TBC1D16: variants seen among roughly 807,000 people sequenced by gnomAD.
The protein encoded by TBC1D16 is CTD-2529O21.1.
A neutral mutation model predicts 74.7 loss-of-function variants in TBC1D16; 58 were observed. The observed-to-expected ratio is 0.78, with a 90% confidence interval of 0.63 to 0.97. The LOEUF (loss-of-function observed/expected upper bound fraction) is 0.97. Among genes scored for constraint, TBC1D16 ranks in the 50% least tolerant of loss-of-function variants. The probability of loss-of-function intolerance (pLI) is 0.00; values close to 1 mark genes in which losing one functional copy is unlikely to be tolerated. For synonymous variants in TBC1D16, 493 were observed against 474.7 expected (o/e 1.04, Z -0.50); for missense variants, 1,014 against 1,079.5 (o/e 0.94, Z 0.85).
rs923908205 is a variant in TBC1D16 at position 79,961,941 on chromosome 17, A to T, written c.780-9123T>A. Among the ~76,000 whole-genome samples the T allele has an allele frequency of 6.6e-6, 1 of 152,202 alleles. No individual in the cohort carries two copies. The highest frequency in any genetic ancestry group is 6.5e-5 in the Admixed American group (1 of 15,268). Reference sequence around the variant, plus strand: ...CCCAGGGTTTATCAACAGCCAATGCAGTAATGAATCGTGGTCTGTACATAC... The same window carrying T: ...CCCAGGGTTTATCAACAGCCAATGCTGTAATGAATCGTGGTCTGTACATAC... On this transcript the variant is annotated intron_variant, in intron 3 of 11. Transcript: ENST00000310924. This position sits in a 1 kb window ranked among gnomAD's most constrained non-coding sequence, Gnocchi z 4.8.
Position 79,984,619 on chromosome 17 carries a change from GTGAAGGAAGGAAGGAA to G in TBC1D16, c.779+25525_779+25540del, listed in dbSNP as rs1420216615. Among the ~76,000 whole-genome samples, 38 of 102,526 alleles carry G rather than the reference GTGAAGGAAGGAAGGAA, an allele frequency of 3.7e-4. No homozygotes were observed. The East Asian group carries it at 0.01, about 27-fold the overall frequency. 67.3% of individuals were successfully genotyped at this position (102,526 alleles called of 152,430 possible). ...GAGAAAGAAAAGAGGGAGGGAGGGAGTGAAGGAAGGAAGGAAGGAAGGAAGGAAGGAAGGAAGGAAA... is the reference window on the plus strand; with the variant it reads ...GAGAAAGAAAAGAGGGAGGGAGGGAGGGAAGGAAGGAAGGAAGGAAGGAAA... On this transcript the variant is annotated intron_variant, in intron 3 of 11. Coordinates refer to ENST00000310924, the MANE Select transcript of TBC1D16 (RefSeq NM_019020.4).
intron 1 of TBC1D16, among the ~76,000 whole-genome samples, chr17:80,014,816 A>AATGCCCTTGAACCCTGGCCAT (rs2036028508): frequency 6.6e-6 from 1 of 152,178 alleles, no homozygotes; most frequent in Admixed American, 6.5e-5. Flanking sequence ...AAAAATAGAA[A>AATGCCCTTGAACCCTGGCCAT]ATGCCCTTGA....
At position 80,010,445 on chromosome 17, in the gene TBC1D16, G is replaced by C. The variant is rs543310279; in HGVS notation, c.494C>G (p.Ala165Gly). The change falls in exon 3 of 12, where the codon GCG (alanine) becomes GGG (glycine). Residue 165 changes from alanine (A) to glycine (G), a missense_variant. Physicochemically the swap from Ala to Gly is moderately conservative, Grantham distance 60 (BLOSUM62 0). Coordinates refer to ENST00000310924, the MANE Select transcript of TBC1D16 (RefSeq NM_019020.4). This position sits in a 1 kb window ranked among gnomAD's most constrained non-coding sequence, Gnocchi z 8.8. ...GGCACCATCCACCCCCAAGCCCTGC[G>C]CCAGCTTCTCCTCATCCTCTGGCGC... The part of the protein sequence containing the change: ...SPAPEDEEKL[A>G]QGLGVDGAQP... The C allele has an allele frequency of 6.2e-7, 1 of 1,608,768 alleles. No homozygotes were observed. Among genetic ancestry groups the C allele is most frequent in the African/African-American group, 1.3e-5 (1 of 74,846 alleles).
chr17:79,963,143 G>C (rs1005198662), intron 3 of TBC1D16, among the ~76,000 whole-genome samples: 10 of 151,718 alleles, frequency 6.6e-5, no homozygotes, highest in African/African-American at 2.2e-4. Flanking sequence ...CTTGAACCCA[G>C]GAGTTGGAGG....
At chr17:80,029,170 G>T (rs2036689762) in intron 1 of TBC1D16, among the ~76,000 whole-genome samples, 2 of 152,170 alleles carry the variant, frequency 1.3e-5, no homozygotes. Context: ...GCTGGCAGGG[G>T]TGTTAAACTG....
chr17:79,949,829 C>G lies in TBC1D16; in HGVS notation c.1294G>C (p.Gly432Arg), dbSNP rs923610089. ...FFGGIDVSIR[G>R]EVWPFLLRYY... ...CGCAGCAGGAAGGGCCAGACCTCCC[C>G]GCGGATTGACACATCAATACCGCCA... The change falls in exon 7 of 12, where the codon GGG becomes CGG. Residue 432 changes from glycine to arginine, a missense_variant. Physicochemically the swap from Gly to Arg is moderately radical, Grantham distance 125. Coordinates refer to ENST00000310924, the MANE Select transcript of TBC1D16 (RefSeq NM_019020.4). 2.5e-6 allele frequency: 4 copies of G among 1,613,746 alleles called. No homozygotes were observed. Among genetic ancestry groups the G allele is most frequent in the Non-Finnish European group, 3.4e-6 (4 of 1,179,972 alleles).
chr17:80,021,682 G>A, intron 1 of TBC1D16, among the ~76,000 whole-genome samples: 1 of 146,734 alleles, frequency 6.8e-6, no homozygotes, highest in African/African-American at 2.7e-5. Flanking sequence ...ACACACCATA[G>A]GCACACTGCA....
chr17:79,946,382 G>A (rs1363761260), intron 9 of TBC1D16, among the ~76,000 whole-genome samples: 1 of 152,226 alleles, frequency 6.6e-6, no homozygotes, highest in Non-Finnish European at 1.5e-5. Context: ...ACGGCAGGTG[G>A]AGCTCAGGCG....
chr17:80,006,680 A>G (rs185954415), intron 3 of TBC1D16, among the ~76,000 whole-genome samples: 237 of 150,684 alleles, frequency 1.6e-3, no homozygotes, highest in South Asian at 9.0e-3. Flanking sequence ...TTTTTTCCAG[A>G]CAGAGTATCT....
chr17:80,020,232 C>G (rs1209341187), intron 1 of TBC1D16, among the ~76,000 whole-genome samples: 4 of 149,622 alleles, frequency 2.7e-5, no homozygotes, highest in Non-Finnish European at 1.5e-5. Flanking sequence ...GCCACCTGGA[C>G]CCTGGTACTT....
At chr17:79,998,953 T>C (rs973270467) in intron 3 of TBC1D16, among the ~76,000 whole-genome samples, 1 of 152,150 alleles carries the variant, frequency 6.6e-6, no homozygotes, top group Non-Finnish European at 1.5e-5. Context: ...ACTTTCAGTA[T>C]CCTTAATAAA....
rs548534425 is a variant in TBC1D16 at position 79,950,900 on chromosome 17, T to C, written c.1090-322A>G. 1.7e-3 allele frequency: 2,408 copies of C among 1,444,480 alleles called. 2 individuals are homozygous for C. Among genetic ancestry groups the C allele is most frequent in the Middle Eastern group, 3.3e-3 (18 of 5,406 alleles). 89.5% of individuals were successfully genotyped at this position (1,444,480 alleles called of 1,614,324 possible). ...TTCCCTCTGCCGGGAGGGCCTGCAATGAATTACATGTGATTGGCCACATAC... is the reference window on the plus strand; with the variant it reads ...TTCCCTCTGCCGGGAGGGCCTGCAACGAATTACATGTGATTGGCCACATAC... On this transcript the variant is annotated intron_variant, in intron 5 of 11. Coordinates refer to ENST00000310924, the MANE Select transcript of TBC1D16 (RefSeq NM_019020.4). The surrounding 1 kb of genome is among the most constrained non-coding windows in gnomAD (Gnocchi z 4.6).
At chr17:80,004,328 C>T (rs955661406) in intron 3 of TBC1D16, among the ~76,000 whole-genome samples, 2 of 152,180 alleles carry the variant, frequency 1.3e-5, no homozygotes, top group African/African-American at 4.8e-5. Context: ...TCCTGCTTTG[C>T]GTCTGATTCA....
chr17:80,017,466 G>T (rs1192627873), intron 1 of TBC1D16, among the ~76,000 whole-genome samples: 1 of 152,076 alleles, frequency 6.6e-6, no homozygotes, highest in Non-Finnish European at 1.5e-5. Flanking sequence ...CGGATCACCT[G>T]AGGTCGGGAG....
chr17:80,026,910 C>G (rs543236633), intron 1 of TBC1D16, among the ~76,000 whole-genome samples: 2 of 149,294 alleles, frequency 1.3e-5, no homozygotes, highest in Non-Finnish European at 2.9e-5. Context: ...TGGGGCTCTT[C>G]CTAGGGGCCA....
intron 1 of TBC1D16, among the ~76,000 whole-genome samples, chr17:80,030,294 C>G (rs894310): frequency 1.3e-5 from 2 of 152,044 alleles, no homozygotes; most frequent in South Asian, 4.1e-4. Context: ...GTGAACCCCC[C>G]ACGCAGAGTG....
intron 3 of TBC1D16, among the ~76,000 whole-genome samples, chr17:79,963,759 G>C (rs2033722948): frequency 6.6e-6 from 1 of 152,100 alleles, no homozygotes; most frequent in African/African-American, 2.4e-5. Flanking sequence ...TTTATTTTTT[G>C]ATAGTAGCCA....
At position 79,971,024 on chromosome 17, in the gene TBC1D16, A is replaced by AT. The variant is rs199724317; in HGVS notation, c.780-18207dup. Among the ~76,000 whole-genome samples the AT allele has an allele frequency of 1.7e-4, 24 of 144,260 alleles. No homozygotes were observed. The East Asian group carries it at 4.9e-3, about 29-fold the overall frequency. 94.6% of individuals were successfully genotyped at this position (144,260 alleles called of 152,430 possible). A position where few individuals can be genotyped will look rare whatever the true frequency, so the allele number is the denominator to read the frequency against. The stretch of plus-strand genomic sequence containing the variant: ...ATTAATATACACTCCCTGTATTTTT[A>AT]TTTTTTATTTTTTTTTGAGATGGAG... On this transcript the variant is annotated intron_variant, in intron 3 of 11. Coordinates refer to ENST00000310924, the MANE Select transcript of TBC1D16 (RefSeq NM_019020.4). This position sits in a 1 kb window ranked among gnomAD's most constrained non-coding sequence, Gnocchi z 4.6.
rs75366976 is a variant in TBC1D16 at position 80,029,214 on chromosome 17, G to A, written c.-63+6581C>T. Among the ~76,000 whole-genome samples, 1,069 of 152,256 alleles carry A rather than the reference G, an allele frequency of 7.0e-3. 12 individuals are homozygous for A. Among genetic ancestry groups the A allele is most frequent in the African/African-American group, 0.024 (993 of 41,546 alleles). Reference sequence around the variant, plus strand: ...GGTAGCTGAAGTCTGCTTCCAGGACGAGAGCGCTTTGAGGGGGCTGGAGTA... The same window carrying A: ...GGTAGCTGAAGTCTGCTTCCAGGACAAGAGCGCTTTGAGGGGGCTGGAGTA... On this transcript the variant is annotated intron_variant, in intron 1 of 11. Transcript: ENST00000310924.
Sources: gnomAD v4.1 joint callset for allele counts (sites outside exome capture counted in the v4.1 genomes callset) on GRCh38, gnomAD v4.1.1 for gene constraint, Gnocchi (gnomAD v3.1) non-coding constraint, MANE v1.5 for transcripts, NCBI Gene and HGNC (gene_info 2026-07-23, HGNC 2026-07-21) for gene names.